Variants in DCC observed in about 807,000 individuals in gnomAD.
DCC encodes the protein DCC netrin 1 receptor.
Under a neutral mutation model 172.5 loss-of-function variants are expected in DCC, and 58 were observed. The observed-to-expected ratio is 0.34, with a 90% CI of 0.27 to 0.42. DCC has a LOEUF of 0.42. Ranked by LOEUF, DCC falls within the 10% of genes least tolerant of loss-of-function variation. The pLI, the probability that DCC is intolerant of heterozygous loss-of-function variation, is 1.00. For synonymous variants in DCC, 709 were observed against 644.5 expected, an observed-to-expected ratio of 1.10 and a Z score of -1.52; for missense variants, 1,740 against 1,791.0, an observed-to-expected ratio of 0.97 and a Z score of 0.51.
chr18:53,220,126 T>A (rs570046305), intron 12 of DCC, among the ~76,000 whole-genome samples: 32 of 152,090 alleles, frequency 2.1e-4, no homozygotes, highest in Non-Finnish European at 3.5e-4. Flanking sequence ...GGGGAAAAGC[T>A]GGAGGCAAGG....
intron 5 of DCC, among the ~76,000 whole-genome samples, chr18:52,996,086 G>C (rs1171921498): frequency 6.6e-6 from 1 of 152,026 alleles, no homozygotes. Context: ...GCTGTGGCAG[G>C]GAGATGGACA....
rs775175456 is a variant in DCC, at chr18:53,063,426, T to C, written c.1107T>C (p.Asp369=). The C allele has an allele frequency of 6.2e-7, 1 of 1,611,914 alleles. No homozygotes were observed. Among genetic ancestry groups the C allele is most frequent in the Non-Finnish European group, 8.5e-7 (1 of 1,178,178 alleles). Residue 369 remains aspartate (D), a synonymous_variant, in exon 6 of 29, where the codon GAT becomes GAC. Coordinates refer to ENST00000442544, the MANE Select transcript of DCC (RefSeq NM_005215.4). ...CTGTGAATTGGATGAAGAATGGAGA[T>C]GTGGTCATTCCTAGTGATTATTTTC... The part of the protein sequence containing the change: ...VPTVNWMKNG[D]VVIPSDYFQI...
At chr18:52,480,210 AG>A (rs1304854368) in intron 1 of DCC, among the ~76,000 whole-genome samples, 1 of 151,646 alleles carries the variant, frequency 6.6e-6, no homozygotes, top group African/African-American at 2.4e-5. Flanking sequence ...TATTCCAGAA[AG>A]AAAAAACAAA....
intron 2 of DCC, among the ~76,000 whole-genome samples, chr18:52,797,607 G>T (rs1053247720): frequency 1.3e-5 from 2 of 152,210 alleles, no homozygotes; most frequent in African/African-American, 4.8e-5. Flanking sequence ...GGGAACATCA[G>T]CTGGGTTAGT....
intron 1 of DCC, among the ~76,000 whole-genome samples, chr18:52,732,828 T>C (rs2036665360): frequency 6.6e-6 from 1 of 152,178 alleles, no homozygotes; most frequent in Admixed American, 6.5e-5. Context: ...GTTAAAGTAT[T>C]GGTTCATTTG....
At chr18:53,114,907 G>A (rs901463448) in intron 7 of DCC, among the ~76,000 whole-genome samples, 7 of 151,614 alleles carry the variant, frequency 4.6e-5, no homozygotes, top group African/African-American at 1.7e-4. Context: ...GTGTCCAAGT[G>A]CAATTATTAT....
At chr18:53,269,639 T>C (rs919509630) in intron 12 of DCC, among the ~76,000 whole-genome samples, 4 of 152,186 alleles carry the variant, frequency 2.6e-5, no homozygotes, top group Admixed American at 2.0e-4. Context: ...GTCGTCTATG[T>C]ATATTGTATT....
At chr18:52,800,902 G>A (rs112015802) in intron 2 of DCC, among the ~76,000 whole-genome samples, 6,569 of 152,250 alleles carry the variant, frequency 0.043, 218 homozygotes, top group South Asian at 0.16. Context: ...AGCTGGACTG[G>A]TATAATTATG....
chr18:52,994,855 C>T (rs543771463), intron 5 of DCC, among the ~76,000 whole-genome samples: 3 of 152,138 alleles, frequency 2.0e-5, no homozygotes, highest in South Asian at 2.1e-4. Context: ...AATGGGCATA[C>T]GTATGGTTAA....
At chr18:52,936,949 C>A (rs1238111347) in intron 5 of DCC, among the ~76,000 whole-genome samples, 1 of 152,138 alleles carries the variant, frequency 6.6e-6, no homozygotes, top group East Asian at 1.9e-4. Context: ...TTCAATATAT[C>A]TTGGTGCAAT....
At chr18:53,010,542 A>C (rs2041713137) in intron 5 of DCC, among the ~76,000 whole-genome samples, 1 of 151,540 alleles carries the variant, frequency 6.6e-6, no homozygotes, top group Non-Finnish European at 1.5e-5. Context: ...TGTTATTTGC[A>C]TACATACTGT....
At chr18:52,991,955 A>G (rs1402192218) in intron 5 of DCC, among the ~76,000 whole-genome samples, 1 of 152,212 alleles carries the variant, frequency 6.6e-6, no homozygotes, top group African/African-American at 2.4e-5. Context: ...ATATTTTACC[A>G]TAGAAGTCTG....
At chr18:52,467,054 AT>A (rs141228229) in intron 1 of DCC, among the ~76,000 whole-genome samples, 6,796 of 128,752 alleles carry the variant, frequency 0.053, 378 homozygotes, top group African/African-American at 0.16. Flanking sequence ...TAAAAAAAAA[AT>A]ATATATATAT....
intron 9 of DCC, among the ~76,000 whole-genome samples, chr18:53,190,153 C>T (rs568314238): frequency 2.6e-5 from 4 of 152,162 alleles, no homozygotes; most frequent in Admixed American, 1.3e-4. Flanking sequence ...CTTGAACTCC[C>T]GTCCTCAGGT....
intron 14 of DCC, among the ~76,000 whole-genome samples, chr18:53,323,340 T>A (rs2057432850): frequency 6.6e-6 from 1 of 152,210 alleles, no homozygotes; most frequent in African/African-American, 2.4e-5. Flanking sequence ...TTGGTTTTAC[T>A]AAAATAATTA....
At chr18:52,618,670 CA>C (rs1189821147) in intron 1 of DCC, among the ~76,000 whole-genome samples, 1 of 152,180 alleles carries the variant, frequency 6.6e-6, no homozygotes. Context: ...AGGTTTCATA[CA>C]GGAATTTAAT....
intron 2 of DCC, among the ~76,000 whole-genome samples, chr18:52,768,981 A>G (rs1400117592): frequency 6.6e-6 from 1 of 152,052 alleles, no homozygotes; most frequent in East Asian, 1.9e-4. Context: ...GCTTCCCAAA[A>G]GGATCATATG....
chr18:52,643,295 CT>C (rs2034948283), intron 1 of DCC, among the ~76,000 whole-genome samples: 1 of 152,156 alleles, frequency 6.6e-6, no homozygotes, highest in Admixed American at 6.5e-5. Context: ...CACAGGTGTA[CT>C]GGGATGCTTC....
chr18:52,457,563 G>A (rs1350938049), intron 1 of DCC, among the ~76,000 whole-genome samples: 2 of 152,080 alleles, frequency 1.3e-5, no homozygotes, highest in African/African-American at 4.8e-5. Flanking sequence ...TTTTATGTCA[G>A]TATCATAAAT....
Sources: allele counts gnomAD v4.1 joint callset (sites outside exome capture counted in the v4.1 genomes callset), GRCh38; gene constraint gnomAD v4.1.1; transcripts MANE v1.5; gene names NCBI Gene and HGNC (gene_info 2026-07-23, HGNC 2026-07-21).